The following SLC9A2 variants were observed in gnomAD, a reference collection of about 807,000 sequenced individuals.
SLC9A2 encodes the protein sodium/hydrogen exchanger 2.
A neutral mutation model predicts 71.7 loss-of-function variants in SLC9A2; 42 were observed. The ratio of observed to expected loss-of-function variants is 0.59; its 90% CI spans 0.46 to 0.76. SLC9A2 has a LOEUF of 0.76. Among genes scored for constraint, SLC9A2 ranks in the 30% least tolerant of loss-of-function variants. The pLI, the probability that SLC9A2 is intolerant of heterozygous loss-of-function variation, is 0.00. For missense variants in SLC9A2, 829 were observed against 1,017.4 expected, an observed-to-expected ratio of 0.81 and a Z score of 2.52; for synonymous variants, 396 against 392.5, an observed-to-expected ratio of 1.01 and a Z score of -0.10.
intron 1 of SLC9A2, among the ~76,000 whole-genome samples, chr2:102,633,850 A>G (rs1676419328): frequency 6.6e-6 from 1 of 152,228 alleles, no homozygotes; most frequent in Non-Finnish European, 1.5e-5. Flanking sequence ...AGATTTTAAT[A>G]AGTTCAACTA....
chr2:102,667,459 T>C (rs542832471), intron 3 of SLC9A2, among the ~76,000 whole-genome samples: 137 of 152,150 alleles, frequency 9.0e-4, no homozygotes, highest in African/African-American at 3.2e-3. Flanking sequence ...CAGGCAGGAA[T>C]TGGGGTTCTT....
chr2:102,658,981 T>C (rs1676999345), intron 2 of SLC9A2, among the ~76,000 whole-genome samples: 1 of 152,228 alleles, frequency 6.6e-6, no homozygotes, highest in Non-Finnish European at 1.5e-5. Context: ...CTCAGGTCTC[T>C]ATAACAAATT....
chr2:102,691,315 T>C (rs62152130), intron 5 of SLC9A2, among the ~76,000 whole-genome samples: 31,872 of 152,208 alleles, frequency 0.21, 3,991 homozygotes, highest in Admixed American at 0.35. Context: ...GTATGGATGG[T>C]AGCAAGCTCT....
rs530018913 is a variant in SLC9A2 at position 102,709,005 on chromosome 2, C to T, written c.*516C>T. ...CCCTGTCCTGACCCGATGGAGCAGC[C>T]GGTAAGTGAAGAGCACAGCTGGAAG... is the stretch of plus-strand genomic sequence containing the variant. On this transcript the variant is annotated 3_prime_UTR_variant, in exon 12 of 12. Coordinates refer to ENST00000233969, the MANE Select transcript of SLC9A2 (RefSeq NM_003048.6). 5 of 154,392 alleles carry T rather than the reference C, an allele frequency of 3.2e-5. No individual in the cohort carries two copies. Among genetic ancestry groups the T allele is most frequent in the African/African-American group, 1.2e-4 (5 of 41,554 alleles). 9.6% of individuals were successfully genotyped at this position (154,392 alleles called of 1,614,324 possible).
At position 102,619,964 on chromosome 2, in the gene SLC9A2, C is replaced by T. The variant is rs201327150; in HGVS notation, c.116C>T (p.Ala39Val). 3 of 1,612,774 alleles carry T rather than the reference C, an allele frequency of 1.9e-6. No individual in the cohort carries two copies. The highest frequency in any genetic ancestry group is 2.2e-5 in the South Asian group (2 of 90,944). ...GCCCTGGCGGAGACCTTGCTGAACG[C>T]GCCGAGGGCCATGGGCACCAGTTCC... ...VGALAETLLN[A>V]PRAMGTSSSP... The change falls in exon 1 of 12, where the codon GCG becomes GTG. Residue 39 changes from alanine to valine, a missense_variant. Physicochemically the swap from Ala to Val is moderately conservative, Grantham distance 64. Transcript: ENST00000233969. This position sits in a 1 kb window ranked among gnomAD's most constrained non-coding sequence, Gnocchi z 4.3.
intron 5 of SLC9A2, among the ~76,000 whole-genome samples, chr2:102,690,810 G>C (rs1478640415): frequency 6.6e-6 from 1 of 152,108 alleles, no homozygotes; most frequent in Non-Finnish European, 1.5e-5. Flanking sequence ...GCATAGCAGC[G>C]ATAGTGATAT....
rs1558725750 is a variant in SLC9A2, at chr2:102,704,519, T to C, written c.1846-25T>C. 6 of 1,603,724 alleles carry C rather than the reference T, an allele frequency of 3.7e-6. No homozygotes were observed. In the South Asian group the frequency reaches 4.4e-5, roughly 12 times the overall value. ...TCAGGTTTTTGTTTTTGTTTTTTAATGTCCTCTATATGTTTTCATTCCAGA... is the reference window on the plus strand; with the variant it reads ...TCAGGTTTTTGTTTTTGTTTTTTAACGTCCTCTATATGTTTTCATTCCAGA... On this transcript the variant is annotated intron_variant, in intron 9 of 11. Transcript: ENST00000233969.
chr2:102,664,273 CAA>C (rs879751313), intron 2 of SLC9A2, among the ~76,000 whole-genome samples: 28 of 98,012 alleles, frequency 2.9e-4, no homozygotes, highest in Admixed American at 4.5e-4. Flanking sequence ...GAGTGAGACT[CAA>C]AAAAAAAAAA....
chr2:102,665,772 T>TCAAAAAAAAA (rs1677124617), intron 3 of SLC9A2, among the ~76,000 whole-genome samples: 1 of 7,570 alleles, frequency 1.3e-4, no homozygotes, highest in Non-Finnish European at 2.2e-4. Context: ...AGACTCTGTC[T>TCAAAAAAAAA]TAAAAAAAAA....
At chr2:102,669,952 C>T (rs891611868) in intron 3 of SLC9A2, among the ~76,000 whole-genome samples, 4 of 152,306 alleles carry the variant, frequency 2.6e-5, no homozygotes, top group Admixed American at 6.5e-5. Flanking sequence ...TTGGCCTCCA[C>T]AGCAGCAAAT....
intron 3 of SLC9A2, among the ~76,000 whole-genome samples, chr2:102,682,927 T>C (rs1277709079): frequency 6.6e-6 from 1 of 152,128 alleles, no homozygotes; most frequent in African/African-American, 2.4e-5. Context: ...GAGTTTCAAA[T>C]TTATTTTGGA....
chr2:102,708,575 T>C lies in SLC9A2; in HGVS notation c.*86T>C. On this transcript the variant is annotated 3_prime_UTR_variant, in exon 12 of 12. Coordinates refer to ENST00000233969, the MANE Select transcript of SLC9A2 (RefSeq NM_003048.6). ...AAACCTGATGCAACAGTGGAATCCA[T>C]GTAAAACTCTCTGTGCATCTAAATA... 3.4e-6 allele frequency: 5 copies of C among 1,453,610 alleles called. No homozygotes were observed. The highest frequency in any genetic ancestry group is 4.7e-6 in the Non-Finnish European group (5 of 1,074,262). The allele number at this position is 1,453,610 out of a possible 1,614,324, so 90.0% of individuals were successfully genotyped here.
At chr2:102,626,587 T>C (rs1443447489) in intron 1 of SLC9A2, among the ~76,000 whole-genome samples, 1 of 152,108 alleles carries the variant, frequency 6.6e-6, no homozygotes, top group Non-Finnish European at 1.5e-5. Context: ...CTAATTAAAC[T>C]AAAGAGCTTC....
intron 8 of SLC9A2, among the ~76,000 whole-genome samples, chr2:102,701,727 A>T (rs1677878280): frequency 1.3e-5 from 2 of 152,224 alleles, no homozygotes; most frequent in Admixed American, 1.3e-4. Context: ...ATATTAAAAA[A>T]TCATGTCACT....
intron 11 of SLC9A2, among the ~76,000 whole-genome samples, chr2:102,706,446 G>A (rs567165118): frequency 6.6e-6 from 1 of 152,150 alleles, no homozygotes; most frequent in African/African-American, 2.4e-5. Flanking sequence ...GAGTGGGGAG[G>A]GATAGCATTA....
At chr2:102,621,840 C>T (rs1676145451) in intron 1 of SLC9A2, among the ~76,000 whole-genome samples, 1 of 152,112 alleles carries the variant, frequency 6.6e-6, no homozygotes, top group Non-Finnish European at 1.5e-5. Flanking sequence ...CCAGGATGAC[C>T]AGGATCTGGT....
intron 1 of SLC9A2, among the ~76,000 whole-genome samples, chr2:102,649,130 A>G (rs909471592): frequency 1.3e-5 from 2 of 152,228 alleles, no homozygotes; most frequent in Non-Finnish European, 2.9e-5. Context: ...ATAGGTATAT[A>G]AACCAATGGA....
intron 1 of SLC9A2, among the ~76,000 whole-genome samples, chr2:102,632,093 CAT>C (rs1199753317): frequency 6.1e-5 from 6 of 98,166 alleles, no homozygotes; most frequent in Non-Finnish European, 1.3e-4. Flanking sequence ...TATATATACA[CAT>C]ATATATACAT....
chr2:102,642,461 C>T lies in SLC9A2; in HGVS notation c.290-15103C>T, dbSNP rs1015222136. Among the ~76,000 whole-genome samples, 7 of 151,788 alleles carry T rather than the reference C, an allele frequency of 4.6e-5. No individual in the cohort carries two copies. The South Asian group carries it at 6.3e-4, about 14-fold the overall frequency. On this transcript the variant is annotated intron_variant, in intron 1 of 11. Transcript: ENST00000233969. ...TTTTTTTTTCTTTAGCCTATCGATACGATGGATTACACTGGTGAATTTTTG... is the reference window on the plus strand; with the variant it reads ...TTTTTTTTTCTTTAGCCTATCGATATGATGGATTACACTGGTGAATTTTTG...
Sources: gnomAD v4.1 joint callset for allele counts (sites outside exome capture counted in the v4.1 genomes callset) on GRCh38, gnomAD v4.1.1 for gene constraint, Gnocchi (gnomAD v3.1) non-coding constraint, MANE v1.5 for transcripts, NCBI Gene and HGNC (gene_info 2026-07-23, HGNC 2026-07-21) for gene names.